THBS1: variants seen among roughly 807,000 people sequenced by gnomAD.
THBS1 encodes thrombospondin 1, also known as thrombospondin-1.
Under a neutral mutation model 126.1 loss-of-function variants are expected in THBS1, and 29 were observed. The ratio of observed to expected loss-of-function variants is 0.23; its 90% CI spans 0.17 to 0.31. THBS1 has a LOEUF of 0.31. Among genes scored for constraint, THBS1 ranks in the 10% least tolerant of loss-of-function variants. The pLI is 1.00. For missense variants in THBS1, 1,198 were observed against 1,545.2 expected (o/e 0.78, Z 3.77); for synonymous variants, 496 against 577.8 (o/e 0.86, Z 2.03).
chr15:39,598,053 CGT>C lies in THBS1; in HGVS notation c.*2691_*2692del, dbSNP rs1353834347. 3 of 152,134 alleles carry C rather than the reference CGT, an allele frequency of 2.0e-5. No homozygotes were observed. The highest frequency in any genetic ancestry group is 4.4e-5 in the Non-Finnish European group (3 of 68,022). 9.4% of individuals were successfully genotyped at this position (152,134 alleles called of 1,614,324 possible). A position where few individuals can be genotyped will look rare whatever the true frequency, so the allele number is the denominator to read the frequency against. On this transcript the variant is annotated 3_prime_UTR_variant, in exon 22 of 22. Transcript: ENST00000260356. ...AAAATTTGGAAGGAATCCATAAATG[CGT>C]GTGTGTCTAAATACAAATTATCATG... is the stretch of plus-strand genomic sequence containing the variant.
rs1890193262 is a variant in THBS1 at position 39,585,511 on chromosome 15, G to T, written c.1068G>T (p.Met356Ile). 6.2e-7 allele frequency: 1 copy of T among 1,614,174 alleles called. No individual in the cohort carries two copies. The highest frequency in any genetic ancestry group is 8.5e-7 in the Non-Finnish European group (1 of 1,180,036). The change falls in exon 7 of 22, where the codon ATG becomes ATT. Residue 356 changes from methionine (M) to isoleucine (I), a missense_variant. Met to Ile is a conservative substitution (Grantham distance 10, BLOSUM62 1). Around this residue, in one of 4 missense-constraint regions of THBS1, gnomAD observed 663 missense variants for 860.1 expected, o/e 0.77. Transcript: ENST00000260356. ...GCAAAAAGGTGTCCTGCCCCATCAT[G>T]CCCTGCTCCAATGCCACAGTTCCTG... Reference protein sequence around the residue: ...TICKKVSCPIMPCSNATVPDG... With the variant: ...TICKKVSCPIIPCSNATVPDG...
chr15:39,582,201 G>A lies in THBS1; in HGVS notation c.76G>A (p.Gly26Arg), dbSNP rs1890120903. 4.4e-6 allele frequency: 7 copies of A among 1,601,414 alleles called. No homozygotes were observed. Among genetic ancestry groups the A allele is most frequent in the Admixed American group, 1.7e-5 (1 of 58,402 alleles). ...CGTNRIPESG[G>R]DNSVFDIFEL... ...TCTCTCCTGTCTAACAGAGTCTGGC[G>A]GAGACAACAGCGTGTTTGACATCTT... The change falls in exon 3 of 22, where the codon GGA (glycine) becomes AGA (arginine). Residue 26 changes from glycine (G) to arginine (R), a missense_variant. Physicochemically the swap from Gly to Arg is moderately radical, Grantham distance 125. Transcript: ENST00000260356.
At position 39,592,488 on chromosome 15, in the gene THBS1, C is replaced by T. The variant is rs891138272; in HGVS notation, c.2533-80C>T. The T allele has an allele frequency of 8.5e-7, 1 of 1,182,048 alleles. No individual in the cohort carries two copies. The highest frequency in any genetic ancestry group is 1.2e-6 in the Non-Finnish European group (1 of 837,064). 73.2% of individuals were successfully genotyped at this position (1,182,048 alleles called of 1,614,324 possible). A position where few individuals can be genotyped will look rare whatever the true frequency, so the allele number is the denominator to read the frequency against. On this transcript the variant is annotated intron_variant, in intron 16 of 21. Transcript: ENST00000260356. This position sits in a 1 kb window ranked among gnomAD's most constrained non-coding sequence, Gnocchi z 4.3. Reference sequence around the variant, plus strand: ...GCTGTATCAAACAATGGAGAATTTTCCCTGTGGTGGGGGCATAAGTTATCT... The same window carrying T: ...GCTGTATCAAACAATGGAGAATTTTTCCTGTGGTGGGGGCATAAGTTATCT...
At chr15:39,584,798 A>G (rs1318530295) in intron 6 of THBS1, among the ~76,000 whole-genome samples, 1 of 152,068 alleles carries the variant, frequency 6.6e-6, no homozygotes, top group Non-Finnish European at 1.5e-5. Context: ...CTTTTAGTAC[A>G]GTAGCAATTG....
rs1890091933 is a variant in THBS1 at position 39,581,113 on chromosome 15, G to GC, written c.-144dup. 6.6e-6 allele frequency: 1 copy of GC among 152,620 alleles called. No individual in the cohort carries two copies. Among genetic ancestry groups the GC allele is most frequent in the Non-Finnish European group, 1.5e-5 (1 of 68,184 alleles). The allele number at this position is 152,620 out of a possible 1,614,324, so 9.5% of individuals were successfully genotyped here. The stretch of plus-strand genomic sequence containing the variant: ...GCCCGAGCTGGCCTGCGAGTTCAGG[G>GC]CTCCTGTCGCTCTCCAGGAGCAACC... On this transcript the variant is annotated 5_prime_UTR_variant, in exon 1 of 22. Coordinates refer to ENST00000260356, the MANE Select transcript of THBS1 (RefSeq NM_003246.4).
rs1555385441 is a variant in THBS1, at chr15:39,594,702, G to C, written c.3505+262G>C. On this transcript the variant is annotated intron_variant, in intron 21 of 21. Transcript: ENST00000260356. This position sits in a 1 kb window ranked among gnomAD's most constrained non-coding sequence, Gnocchi z 4.4. ...CAGTGCAAAGGTAAGCTGCAGAAAA[G>C]CTCCTATATAATTTGGACTTCATTA... Among the ~76,000 whole-genome samples the C allele has an allele frequency of 1.3e-5, 2 of 152,178 alleles. No individual in the cohort carries two copies. Among genetic ancestry groups the C allele is most frequent in the South Asian group, 2.1e-4 (1 of 4,836 alleles).
chr15:39,587,262 C>A, intron 7 of THBS1, 85 bp from the exon 8 acceptor site: 2 of 1,361,120 alleles, frequency 1.5e-6, no homozygotes, highest in Non-Finnish European at 2.0e-6. Flanking sequence ...CACCCTCTGG[C>A]AAGTGGAGGG....
At chr15:39,585,370 C>T (rs1401546081) in intron 6 of THBS1, 100 bp from the exon 7 acceptor site, 2 of 1,047,252 alleles carry the variant, frequency 1.9e-6, no homozygotes, top group East Asian at 2.5e-5. Flanking sequence ...ATTGACAGCC[C>T]TGACCATGTT....
rs1890261358 is a variant in THBS1 at position 39,588,663 on chromosome 15, G to C, written c.1609G>C (p.Glu537Gln). The C allele has an allele frequency of 1.2e-6, 2 of 1,601,750 alleles. No individual in the cohort carries two copies. Among genetic ancestry groups the C allele is most frequent in the African/African-American group, 1.3e-5 (1 of 74,138 alleles). ...GGKDCVGDVT[E>Q]NQICNKQDCP... ...CAAGGACTGCGTTGGTGATGTAACA[G>C]AAAACCAGATCTGCAACAAGCAGGA... The change falls in exon 10 of 22, where the codon GAA (glutamate) becomes CAA (glutamine). Residue 537 changes from glutamate (E) to glutamine (Q), a missense_variant. Glu to Gln is a conservative substitution (Grantham distance 29, BLOSUM62 2). Transcript: ENST00000260356.
In THBS1 at chr15:39,591,662, T is replaced by C. The variant is rs1434542818; in HGVS notation, c.2532+39T>C. 6 of 1,545,250 alleles carry C rather than the reference T, an allele frequency of 3.9e-6. No homozygotes were observed. The African/African-American group carries it at 4.1e-5, about 11-fold the overall frequency. On this transcript the variant is annotated intron_variant, in intron 16 of 21. Transcript: ENST00000260356. ...CTCCTTTCAGAGTCTTTCAGTAAAC[T>C]GTTGGAATATCCCTTTCATGGCCTT... is the stretch of plus-strand genomic sequence containing the variant.
intron 15 of THBS1, 23 bp from the exon 16 acceptor site, chr15:39,591,482 T>C (rs1890327547): frequency 1.9e-6 from 3 of 1,613,696 alleles, no homozygotes; most frequent in Non-Finnish European, 2.5e-6. Context: ...GCCCAGCTCT[T>C]ATTTGTCCCT....
chr15:39,590,653 CT>C, intron 14 of THBS1, 30 bp downstream of exon 14: 2 of 1,588,122 alleles, frequency 1.3e-6, no homozygotes, highest in Non-Finnish European at 8.6e-7. Context: ...CCTTTTTCAT[CT>C]TTTCAGTTCA....
In THBS1 at chr15:39,597,572, G is replaced by A. The variant is rs1034707676; in HGVS notation, c.*2203G>A. On this transcript the variant is annotated 3_prime_UTR_variant, in exon 22 of 22. Transcript: ENST00000260356. ...ATAGCATATACAAAAATAAATTACA[G>A]TAAGTCATAGCAACATTCACAGTTT... 4 of 152,068 alleles carry A rather than the reference G, an allele frequency of 2.6e-5. No homozygotes were observed. The highest frequency in any genetic ancestry group is 4.4e-5 in the Non-Finnish European group (3 of 68,000). 9.4% of individuals were successfully genotyped at this position (152,068 alleles called of 1,614,324 possible). A position where few individuals can be genotyped will look rare whatever the true frequency, so the allele number is the denominator to read the frequency against.
At chr15:39,582,022 C>A (rs1422244299) in intron 2 of THBS1, 98 bp downstream of exon 2, 1 of 1,396,926 alleles carries the variant, frequency 7.2e-7, no homozygotes, top group Non-Finnish European at 1.0e-6. Flanking sequence ...CCCTCTTGAG[C>A]CTGACTGGAC....
At chr15:39,581,790 C>A in intron 1 of THBS1, 39 bp from the exon 2 acceptor site, 1 of 1,409,152 alleles carries the variant, frequency 7.1e-7, no homozygotes, top group Non-Finnish European at 1.0e-6. Flanking sequence ...CCCTGCCTAG[C>A]TGATCTCTGA....
Position 39,594,233 on chromosome 15 carries a change from A to G in THBS1, c.3365+37A>G. 2 of 1,613,792 alleles carry G rather than the reference A, an allele frequency of 1.2e-6. No individual in the cohort carries two copies. The highest frequency in any genetic ancestry group is 1.7e-6 in the Non-Finnish European group (2 of 1,179,704). Reference sequence around the variant, plus strand: ...CTGATTCACTTTCACTTACAGTCACACTGAGGGACAAAAAGACAAAAAGTA... The same window carrying G: ...CTGATTCACTTTCACTTACAGTCACGCTGAGGGACAAAAAGACAAAAAGTA... On this transcript the variant is annotated intron_variant, in intron 20 of 21. Coordinates refer to ENST00000260356, the MANE Select transcript of THBS1 (RefSeq NM_003246.4). This position sits in a 1 kb window ranked among gnomAD's most constrained non-coding sequence, Gnocchi z 4.4.
rs143156764 is a variant in THBS1 at position 39,594,265 on chromosome 15, A to T, written c.3366-36A>T. ...GACAAAAAGACAAAAAGTATTAAAT[A>T]GCATTGTCACTAAACAAGATTTTTT... On this transcript the variant is annotated intron_variant, in intron 20 of 21. Transcript: ENST00000260356. This position sits in a 1 kb window ranked among gnomAD's most constrained non-coding sequence, Gnocchi z 4.4. The T allele has an allele frequency of 3.7e-6, 6 of 1,613,962 alleles. No individual in the cohort carries two copies. The African/African-American group carries it at 4.0e-5, about 11-fold the overall frequency.
chr15:39,585,472 C>A lies in THBS1; in HGVS notation c.1029C>A (p.Asn343Lys). ...CCTCTCACTCTCTTGCCCTGCAGAA[C>A]TCAGTTACCATCTGCAAAAAGGTGT... is the stretch of plus-strand genomic sequence containing the variant. ...VDSCTECHCQ[N>K]SVTICKKVSC... Residue 343 changes from asparagine to lysine, a missense_variant and splice_region_variant, in exon 7 of 22, where the codon AAC becomes AAA. Around this residue, in one of 4 missense-constraint regions of THBS1, gnomAD observed 663 missense variants for 860.1 expected, o/e 0.77. Coordinates refer to ENST00000260356, the MANE Select transcript of THBS1 (RefSeq NM_003246.4). 6.2e-7 allele frequency: 1 copy of A among 1,614,068 alleles called. No homozygotes were observed. The highest frequency in any genetic ancestry group is 8.5e-7 in the Non-Finnish European group (1 of 1,179,940).
Position 39,591,367 on chromosome 15 carries a change from T to C in THBS1, c.2413+17T>C. On this transcript the variant is annotated intron_variant, in intron 15 of 21. Transcript: ENST00000260356. ...ATGGAGACGGTAAGGTGCTGCCTGA[T>C]CAGAGGGCCCGCGGGAGACAGGGAC... The C allele has an allele frequency of 6.2e-7, 1 of 1,607,258 alleles. No homozygotes were observed. Among genetic ancestry groups the C allele is most frequent in the Non-Finnish European group, 8.5e-7 (1 of 1,175,546 alleles).
Sources: gnomAD v4.1 joint callset for allele counts (sites outside exome capture counted in the v4.1 genomes callset) on GRCh38, gnomAD v4.1.1 for gene constraint, gnomAD v4.1.1 regional missense constraint, Gnocchi (gnomAD v3.1) non-coding constraint, MANE v1.5 for transcripts, NCBI Gene and HGNC (gene_info 2026-07-23, HGNC 2026-07-21) for gene names.